Variants in SLC8A1 observed in about 807,000 individuals in gnomAD.
SLC8A1 encodes the protein solute carrier family 8 member A1.
SLC8A1 carries 18 observed loss-of-function variants against 68.3 expected under a neutral mutation model. That is an observed-to-expected ratio of 0.26 (90% confidence interval 0.18 to 0.39). SLC8A1 has a LOEUF of 0.39. SLC8A1 is among the 10% of genes least tolerant of loss of function. The pLI is 1.00. For synonymous variants in SLC8A1, 475 were observed against 415.5 expected, an observed-to-expected ratio of 1.14 and a Z score of -1.74; for missense variants, 985 against 1,156.7, an observed-to-expected ratio of 0.85 and a Z score of 2.15.
intron 7 of SLC8A1, among the ~76,000 whole-genome samples, chr2:40,134,283 G>C (rs540350438): frequency 1.4e-4 from 21 of 152,050 alleles, no homozygotes; most frequent in African/African-American, 4.8e-4. Flanking sequence ...GTAGAGACAG[G>C]GTTTCAGCAT....
chr2:40,510,641 A>G (rs1461086080), intron 1 of SLC8A1, among the ~76,000 whole-genome samples: 1 of 152,144 alleles, frequency 6.6e-6, no homozygotes, highest in African/African-American at 2.4e-5. Context: ...CCACTTTAGC[A>G]AAAGTTATGA....
chr2:40,385,456 CTG>C (rs34014861), intron 2 of SLC8A1, among the ~76,000 whole-genome samples: 110,244 of 150,552 alleles, frequency 0.73, 41,851 homozygotes, highest in African/African-American at 0.93. Flanking sequence ...TTTTTGGAAA[CTG>C]TATCAATTGC....
intron 2 of SLC8A1, among the ~76,000 whole-genome samples, chr2:40,349,139 A>C (rs1031220940): frequency 6.6e-6 from 1 of 152,218 alleles, no homozygotes; most frequent in Admixed American, 6.5e-5. Context: ...TAAATGAAGG[A>C]AAATTAAGAG....
intron 6 of SLC8A1, among the ~76,000 whole-genome samples, chr2:40,157,318 G>A (rs987819967): frequency 1.3e-5 from 2 of 151,282 alleles, no homozygotes; most frequent in Admixed American, 6.6e-5. Context: ...TGAGCAAACT[G>A]AGATTCTGAG....
intron 2 of SLC8A1, among the ~76,000 whole-genome samples, chr2:40,299,944 A>G (rs1268355412): frequency 6.6e-6 from 1 of 152,178 alleles, no homozygotes; most frequent in Non-Finnish European, 1.5e-5. Context: ...CATCCCATGC[A>G]TGCATAGATA....
intron 2 of SLC8A1, among the ~76,000 whole-genome samples, chr2:40,371,455 G>A (rs1482633142): frequency 6.6e-6 from 1 of 152,020 alleles, no homozygotes; most frequent in African/African-American, 2.4e-5. Flanking sequence ...AGGCTTTGAT[G>A]TCTAGCAAAG....
rs553932092 is a variant in SLC8A1, at chr2:40,359,097, G to C, written c.1808+69376C>G. 3.9e-5 allele frequency among the ~76,000 whole-genome samples: 6 copies of C among 152,204 alleles called. No individual in the cohort carries two copies. The East Asian group carries it at 1.2e-3, about 29-fold the overall frequency. On this transcript the variant is annotated intron_variant, in intron 2 of 7. Transcript: ENST00000406785. Reference sequence around the variant, plus strand: ...TGGGCAGAAAAGAAGTGAAAGTGAAGCTGAAGGTGGGGAAGGGGTATCTAG... The same window carrying C: ...TGGGCAGAAAAGAAGTGAAAGTGAACCTGAAGGTGGGGAAGGGGTATCTAG...
chr2:40,322,975 A>G (rs938652684), intron 2 of SLC8A1, among the ~76,000 whole-genome samples: 1 of 152,170 alleles, frequency 6.6e-6, no homozygotes, highest in Non-Finnish European at 1.5e-5. Context: ...GAAGAGGCAT[A>G]TTCCATTTCA....
At chr2:40,164,345 G>A (rs1017167442) in intron 5 of SLC8A1, among the ~76,000 whole-genome samples, 4 of 152,204 alleles carry the variant, frequency 2.6e-5, no homozygotes, top group African/African-American at 4.8e-5. Context: ...TATATTGACT[G>A]TACTAAAATG....
At chr2:40,328,284 A>C (rs1176290971) in intron 2 of SLC8A1, among the ~76,000 whole-genome samples, 1 of 152,198 alleles carries the variant, frequency 6.6e-6, no homozygotes, top group Non-Finnish European at 1.5e-5. Flanking sequence ...GGATCTTTCC[A>C]TTATTAGTAA....
Position 40,228,104 on chromosome 2 carries a change from C to A in SLC8A1, c.1809-50249G>T, listed in dbSNP as rs2059210869. Among the ~76,000 whole-genome samples the A allele has an allele frequency of 2.0e-5, 3 of 152,146 alleles. 1 individual carries two copies. Among genetic ancestry groups the A allele is most frequent in the Admixed American group, 2.0e-4 (3 of 15,266 alleles). ...AAAAAACCATTTGTCTTGAGGACTGCCTTTCATCAGTGCAAGTGTTGACAA... is the reference window on the plus strand; with the variant it reads ...AAAAAACCATTTGTCTTGAGGACTGACTTTCATCAGTGCAAGTGTTGACAA... On this transcript the variant is annotated intron_variant, in intron 2 of 7. Coordinates refer to ENST00000406785, the Ensembl canonical transcript of SLC8A1.
intron 2 of SLC8A1, among the ~76,000 whole-genome samples, chr2:40,358,748 GACTCCT>G: frequency 6.6e-6 from 1 of 152,292 alleles, no homozygotes; most frequent in Non-Finnish European, 1.5e-5. Context: ...AAACAGGCAA[GACTCCT>G]ACTCTCATAA....
chr2:40,162,254 C>CTTTCT (rs2045819314), intron 5 of SLC8A1, among the ~76,000 whole-genome samples: 1 of 152,214 alleles, frequency 6.6e-6, no homozygotes, highest in Non-Finnish European at 1.5e-5. Flanking sequence ...CAGCATCCAT[C>CTTTCT]TTTCTTTTCT....
Position 40,164,985 on chromosome 2 carries a change from CT to C in SLC8A1, c.1931-2del. On this transcript the variant is annotated splice_acceptor_variant, in intron 4 of 7. Transcript: ENST00000406785. LOFTEE classifies it high-confidence loss of function. ...AGTGGCTGCTTGTCATCATATTCGT[CT>C]GTGAAACGGAAGTATCAGAGAGTGA... 1 of 1,613,776 alleles carries C rather than the reference CT, an allele frequency of 6.2e-7. No individual in the cohort carries two copies. The highest frequency in any genetic ancestry group is 8.5e-7 in the Non-Finnish European group (1 of 1,179,826).
intron 2 of SLC8A1, among the ~76,000 whole-genome samples, chr2:40,264,912 G>A (rs1012969977): frequency 6.6e-6 from 1 of 152,190 alleles, no homozygotes; most frequent in Non-Finnish European, 1.5e-5. Context: ...GAGGACAGCA[G>A]TACTGTATCA....
intron 2 of SLC8A1, among the ~76,000 whole-genome samples, chr2:40,197,070 A>G (rs2053188679): frequency 1.3e-5 from 2 of 152,062 alleles, no homozygotes; most frequent in African/African-American, 4.8e-5. Flanking sequence ...CATATCCCAC[A>G]CATCAGTGGC....
chr2:40,107,323 A>G (rs2034278037), exon 8 of SLC8A1: 2 of 148,314 alleles, frequency 1.3e-5, no homozygotes, highest in African/African-American at 2.5e-5. Flanking sequence ...AACAACAGGC[A>G]TGGGAACCTG....
intron 6 of SLC8A1, among the ~76,000 whole-genome samples, chr2:40,158,033 G>A (rs1326636111): frequency 6.6e-6 from 1 of 152,142 alleles, no homozygotes; most frequent in Non-Finnish European, 1.5e-5. Context: ...AGAAAGAAAA[G>A]CAAATCCCTA....
intron 2 of SLC8A1, among the ~76,000 whole-genome samples, chr2:40,220,805 T>C (rs2058217142): frequency 6.6e-6 from 1 of 151,962 alleles, no homozygotes; most frequent in Admixed American, 6.6e-5. Context: ...TTGTAACAGA[T>C]TCAGACTAGA....
Sources: allele counts gnomAD v4.1 joint callset (sites outside exome capture counted in the v4.1 genomes callset), GRCh38; gene constraint gnomAD v4.1.1; transcripts MANE v1.5; gene names NCBI Gene and HGNC (gene_info 2026-07-23, HGNC 2026-07-21).